Variants in DPYD observed in about 807,000 individuals in gnomAD.
The protein encoded by DPYD is dihydropyrimidine dehydrogenase [NADP(+)].
In DPYD, 109 loss-of-function variants were observed where a neutral mutation model predicts 116.2. The observed-to-expected ratio is 0.94, with a 90% confidence interval of 0.80 to 1.10. The LOEUF is 1.10. Among genes scored for constraint, DPYD ranks in the 50% least tolerant of loss-of-function variants. The pLI is 0.00. For synonymous variants in DPYD, 440 were observed against 432.0 expected, an observed-to-expected ratio of 1.02 and a Z score of -0.23; for missense variants, 1,302 against 1,254.5, an observed-to-expected ratio of 1.04 and a Z score of -0.57.
chr1:97,226,372 T>TGGCTA (rs1251160936), intron 19 of DPYD, among the ~76,000 whole-genome samples: 2 of 152,078 alleles, frequency 1.3e-5, no homozygotes, highest in Non-Finnish European at 2.9e-5. Flanking sequence ...CACATAGTAC[T>TGGCTA]GGAAGCCCTA....
chr1:97,652,238 A>G lies in DPYD; in HGVS notation c.850+26857T>C, dbSNP rs558457286. 2.0e-4 allele frequency among the ~76,000 whole-genome samples: 31 copies of G among 152,268 alleles called. 1 individual carries two copies. In the South Asian group the frequency reaches 6.2e-3, roughly 31 times the overall value. On this transcript the variant is annotated intron_variant, in intron 8 of 22. Transcript: ENST00000370192. ...AAAGAGAATTTTAGAAATCACTTTC[A>G]TTTTCTCTTAAAAAATTCTCATGTT...
At chr1:97,509,003 G>T (rs939021136) in intron 13 of DPYD, among the ~76,000 whole-genome samples, 2 of 151,862 alleles carry the variant, frequency 1.3e-5, no homozygotes, top group African/African-American at 4.8e-5. Flanking sequence ...GCCTAATCAC[G>T]TCAGCTGAGG....
At chr1:97,646,503 G>C (rs1478626122) in intron 8 of DPYD, among the ~76,000 whole-genome samples, 1 of 151,262 alleles carries the variant, frequency 6.6e-6, no homozygotes, top group Non-Finnish European at 1.5e-5. Flanking sequence ...TTTGTTCTGA[G>C]GCTTATGCTT....
intron 6 of DPYD, among the ~76,000 whole-genome samples, chr1:97,694,890 A>G (rs138518074): frequency 2.1e-3 from 322 of 152,346 alleles, no homozygotes; most frequent in African/African-American, 7.2e-3. Context: ...AACAATAGCC[A>G]TAGTTGCTAT....
chr1:97,337,424 A>G (rs1391234829), intron 16 of DPYD, among the ~76,000 whole-genome samples: 1 of 152,096 alleles, frequency 6.6e-6, no homozygotes, highest in African/African-American at 2.4e-5. Context: ...TCCTGTCCAA[A>G]CGAAAGCTAC....
chr1:97,613,974 TC>T (rs1656108875), intron 8 of DPYD, among the ~76,000 whole-genome samples: 1 of 152,072 alleles, frequency 6.6e-6, no homozygotes, highest in Admixed American at 6.6e-5. Flanking sequence ...GAGGGATGGA[TC>T]TTACTTGTAA....
rs1326787044 is a variant in DPYD, at chr1:97,506,870, TA to T, written c.1740+8855del. ...TGAAAGCATCTTAATCTATATTTTT[TA>T]CTTAACAGACTAAGTCTGGCAAACA... On this transcript the variant is annotated intron_variant, in intron 13 of 22. Transcript: ENST00000370192. Among the ~76,000 whole-genome samples the T allele has an allele frequency of 2.0e-5, 3 of 152,064 alleles. No homozygotes were observed. The East Asian group carries it at 5.8e-4, about 29-fold the overall frequency.
intron 2 of DPYD, among the ~76,000 whole-genome samples, chr1:97,867,673 C>A (rs1671452593): frequency 6.6e-6 from 1 of 151,738 alleles, no homozygotes; most frequent in Non-Finnish European, 1.5e-5. Flanking sequence ...AACTGAATAT[C>A]CTTTCATTAT....
chr1:97,432,098 C>A (rs1675208885), intron 14 of DPYD, among the ~76,000 whole-genome samples: 1 of 152,188 alleles, frequency 6.6e-6, no homozygotes, highest in Middle Eastern at 3.4e-3. Context: ...TTTTTTTAGT[C>A]CATTCATCCA....
chr1:97,133,886 C>T (rs1206429571), intron 20 of DPYD, among the ~76,000 whole-genome samples: 5 of 150,116 alleles, frequency 3.3e-5, no homozygotes, highest in Non-Finnish European at 5.9e-5. Context: ...GTAGTCCCAG[C>T]TACTCAGGAG....
chr1:97,430,913 A>C (rs1675143099), intron 14 of DPYD, among the ~76,000 whole-genome samples: 1 of 152,118 alleles, frequency 6.6e-6, no homozygotes, highest in Non-Finnish European at 1.5e-5. Context: ...AATTTAGTAG[A>C]AGTGGAGCCT....
At chr1:97,187,241 G>T (rs974171016) in intron 20 of DPYD, among the ~76,000 whole-genome samples, 17 of 151,896 alleles carry the variant, frequency 1.1e-4, no homozygotes, top group Non-Finnish European at 2.1e-4. Context: ...ACCTACATCT[G>T]TTATTTTTTG....
chr1:97,805,184 T>A (rs866267168), intron 3 of DPYD, among the ~76,000 whole-genome samples: 10 of 151,952 alleles, frequency 6.6e-5, no homozygotes, highest in Middle Eastern at 6.8e-3. Flanking sequence ...AGTCTGAAGT[T>A]TTTGAAGAAC....
intron 2 of DPYD, among the ~76,000 whole-genome samples, chr1:97,874,842 G>A (rs1434886347): frequency 6.6e-6 from 1 of 151,730 alleles, no homozygotes; most frequent in Admixed American, 6.6e-5. Flanking sequence ...TAGTGCCAAA[G>A]ACAACAGAGA....
At chr1:97,520,733 C>T (rs192226305) in intron 12 of DPYD, among the ~76,000 whole-genome samples, 3 of 150,846 alleles carry the variant, frequency 2.0e-5, no homozygotes, top group South Asian at 2.1e-4. Flanking sequence ...GTGTTTGGTT[C>T]TCTGTTCCTG....
At chr1:97,752,190 T>C (rs976746697) in intron 3 of DPYD, among the ~76,000 whole-genome samples, 5 of 152,110 alleles carry the variant, frequency 3.3e-5, no homozygotes, top group Non-Finnish European at 7.4e-5. Context: ...CTTAGAACTG[T>C]TGAGTTTCAT....
intron 2 of DPYD, among the ~76,000 whole-genome samples, chr1:97,850,069 T>C (rs188329831): frequency 6.6e-6 from 1 of 152,248 alleles, no homozygotes. Context: ...AAAGAGCAAA[T>C]GCATTCAGCA....
At chr1:97,198,956 T>G (rs190979938) in intron 19 of DPYD, among the ~76,000 whole-genome samples, 1 of 152,086 alleles carries the variant, frequency 6.6e-6, no homozygotes, top group Admixed American at 6.6e-5. Flanking sequence ...CCAAATAGCC[T>G]CCTCCAGGGG....
At chr1:97,730,374 A>G (rs1663519720) in intron 4 of DPYD, among the ~76,000 whole-genome samples, 1 of 152,012 alleles carries the variant, frequency 6.6e-6, no homozygotes, top group African/African-American at 2.4e-5. Flanking sequence ...GGCATGCACC[A>G]TCACGCCCGG....
Sources: gnomAD v4.1 joint callset for allele counts (sites outside exome capture counted in the v4.1 genomes callset) on GRCh38, gnomAD v4.1.1 for gene constraint, MANE v1.5 for transcripts, NCBI Gene and HGNC (gene_info 2026-07-23, HGNC 2026-07-21) for gene names.